Variants in NUP98 observed in about 807,000 individuals in gnomAD.
The protein encoded by NUP98 is nuclear pore complex protein Nup98-Nup96.
NUP98 carries 26 observed loss-of-function variants against 191.9 expected under a neutral mutation model. The observed-to-expected ratio is 0.14, with a 90% CI of 0.10 to 0.19. The LOEUF (loss-of-function observed/expected upper bound fraction) is 0.19. Among genes scored for constraint, NUP98 ranks in the 10% least tolerant of loss-of-function variants. The probability of loss-of-function intolerance (pLI) is 1.00; values close to 1 mark genes in which losing one functional copy is unlikely to be tolerated. For missense variants in NUP98, 1,941 were observed against 2,178.8 expected, an observed-to-expected ratio of 0.89 and a Z score of 2.17; for synonymous variants, 808 against 778.4, an observed-to-expected ratio of 1.04 and a Z score of -0.63.
At position 3,737,922 on chromosome 11, in the gene NUP98, C is replaced by T. The variant is rs367659503; in HGVS notation, c.1409-2598G>A. On this transcript the variant is annotated intron_variant, in intron 12 of 32. Transcript: ENST00000324932. ...CACAGTACTACAGATTAACAGCATACTGCTATTTTGGGGACTATGCAAGGA... is the reference window on the plus strand; with the variant it reads ...CACAGTACTACAGATTAACAGCATATTGCTATTTTGGGGACTATGCAAGGA... Among the ~76,000 whole-genome samples, 411 of 149,776 alleles carry T rather than the reference C, an allele frequency of 2.7e-3. 3 individuals are homozygous for T. Among genetic ancestry groups the T allele is most frequent in the African/African-American group, 9.1e-3 (374 of 40,884 alleles).
At chr11:3,691,796 C>A (rs991045489) in intron 27 of NUP98, among the ~76,000 whole-genome samples, 1 of 152,130 alleles carries the variant, frequency 6.6e-6, no homozygotes, top group Non-Finnish European at 1.5e-5. Flanking sequence ...TCAGGTGATA[C>A]GCCTGCCTTA....
In NUP98 at chr11:3,712,606, G is replaced by A; in HGVS notation, c.2700C>T (p.Pro900=). The A allele has an allele frequency of 6.2e-7, 1 of 1,614,096 alleles. No individual in the cohort carries two copies. ...GTTTGCCATTAAGAGCCATCTGCAAGGGCGTAGTCTGGCTTGCAGGAGGCA... is the reference window on the plus strand; with the variant it reads ...GTTTGCCATTAAGAGCCATCTGCAAAGGCGTAGTCTGGCTTGCAGGAGGCA... ...APLPPASQTT[P]LQMALNGKPA... is the part of the protein sequence containing the mutation. The change falls in exon 20 of 33, where the codon CCC becomes CCT. Residue 900 remains proline (P), a synonymous_variant. Transcript: ENST00000324932.
intron 28 of NUP98, among the ~76,000 whole-genome samples, chr11:3,690,223 G>C (rs956396393): frequency 5.3e-5 from 8 of 151,446 alleles, no homozygotes; most frequent in Non-Finnish European, 1.2e-4. Context: ...AAAGTGCTGG[G>C]ATTACAGGTG....
At chr11:3,743,364 C>T (rs1225078815) in intron 12 of NUP98, among the ~76,000 whole-genome samples, 8 of 148,478 alleles carry the variant, frequency 5.4e-5, no homozygotes, top group Non-Finnish European at 1.0e-4. Flanking sequence ...AAGTTAATTT[C>T]GGCCTGGCGT....
intron 1 of NUP98, among the ~76,000 whole-genome samples, chr11:3,784,987 A>C (rs2133961745): frequency 6.6e-6 from 1 of 151,950 alleles, no homozygotes. Context: ...AAAATACAAA[A>C]ATTAGCCAGG....
intron 14 of NUP98, among the ~76,000 whole-genome samples, chr11:3,730,638 A>G (rs144705701): frequency 0.012 from 1,888 of 151,980 alleles, 48 homozygotes; most frequent in African/African-American, 0.043. Flanking sequence ...TGCTGGGATT[A>G]CAGGTGTGAG....
At chr11:3,784,157 A>G (rs1564928082) in intron 1 of NUP98, among the ~76,000 whole-genome samples, 1 of 152,232 alleles carries the variant, frequency 6.6e-6, no homozygotes, top group Non-Finnish European at 1.5e-5. Context: ...GGCCGTGTTC[A>G]TATAATAGAA....
At position 3,675,577 on chromosome 11, in the gene NUP98, G is replaced by A. The variant is rs534499391; in HGVS notation, c.*582C>T. ...AACAGCCCTGAAGATCAATCCCTCC[G>A]TGACAGGCATTCACTTCTGCCCTAA... On this transcript the variant is annotated 3_prime_UTR_variant, in exon 33 of 33. Coordinates refer to ENST00000324932, the MANE Select transcript of NUP98 (RefSeq NM_016320.5). 1.8e-4 allele frequency: 42 copies of A among 235,986 alleles called. No individual in the cohort carries two copies. The South Asian group carries it at 2.8e-3, about 16-fold the overall frequency. The allele number at this position is 235,986 out of a possible 1,614,324, so 14.6% of individuals were successfully genotyped here.
intron 8 of NUP98, among the ~76,000 whole-genome samples, chr11:3,766,666 G>C (rs2081349206): frequency 7.0e-6 from 1 of 142,392 alleles, no homozygotes; most frequent in East Asian, 2.0e-4. Context: ...TCCAGCCTGG[G>C]CGACAACAGT....
intron 1 of NUP98, among the ~76,000 whole-genome samples, chr11:3,796,252 A>G (rs537888331): frequency 9.2e-5 from 14 of 152,322 alleles, no homozygotes; most frequent in African/African-American, 2.4e-4. Flanking sequence ...GAAAGGAGCC[A>G]TGAGTTCCGA....
In NUP98 at chr11:3,675,717, A is replaced by C. The variant is rs1163392279; in HGVS notation, c.*442T>G. ...AGACGGATCCCTCTTCCTTCTGTGG[A>C]TAGTTCATCTGTTAAGGATCCATTA... On this transcript the variant is annotated 3_prime_UTR_variant, in exon 33 of 33. Coordinates refer to ENST00000324932, the MANE Select transcript of NUP98 (RefSeq NM_016320.5). 3.9e-6 allele frequency: 1 copy of C among 259,434 alleles called. No individual in the cohort carries two copies. The highest frequency in any genetic ancestry group is 7.5e-6 in the Non-Finnish European group (1 of 132,720). 16.1% of individuals were successfully genotyped at this position (259,434 alleles called of 1,614,324 possible).
intron 20 of NUP98, among the ~76,000 whole-genome samples, chr11:3,708,586 G>A (rs149976004): frequency 0.024 from 3,719 of 152,138 alleles, 83 homozygotes; most frequent in Non-Finnish European, 0.039. Context: ...TGCCTAGAAT[G>A]CCCTATATGT....
At chr11:3,749,482 G>A (rs576379450) in intron 11 of NUP98, among the ~76,000 whole-genome samples, 7 of 152,100 alleles carry the variant, frequency 4.6e-5, no homozygotes, top group African/African-American at 1.4e-4. Flanking sequence ...ACAGTTAGCC[G>A]GGTGCAGTGG....
chr11:3,708,723 T>C (rs1395973731), intron 20 of NUP98, among the ~76,000 whole-genome samples: 1 of 143,722 alleles, frequency 7.0e-6, no homozygotes, highest in East Asian at 2.0e-4. Flanking sequence ...AAAGGTGTAC[T>C]TAAAAAAAAA....
intron 1 of NUP98, among the ~76,000 whole-genome samples, chr11:3,791,162 T>C (rs1045186302): frequency 3.3e-5 from 5 of 152,088 alleles, no homozygotes; most frequent in African/African-American, 1.2e-4. Context: ...CCCAAAGTGC[T>C]GGGATTACAG....
intron 20 of NUP98, among the ~76,000 whole-genome samples, chr11:3,707,879 T>A (rs565345648): frequency 4.5e-4 from 68 of 152,060 alleles, no homozygotes; most frequent in African/African-American, 1.6e-3. Context: ...GGTGAGTGGA[T>A]CACCTGAGGT....
At chr11:3,714,286 T>G (rs761525205) in intron 18 of NUP98, among the ~76,000 whole-genome samples, 2 of 152,212 alleles carry the variant, frequency 1.3e-5, no homozygotes, top group African/African-American at 2.4e-5. Context: ...ATCACTAACT[T>G]ATTTAAGTTA....
intron 26 of NUP98, among the ~76,000 whole-genome samples, chr11:3,694,200 G>A (rs1436112336): frequency 1.3e-5 from 2 of 151,884 alleles, no homozygotes; most frequent in African/African-American, 2.4e-5. Flanking sequence ...GGGGAAACCC[G>A]TCTCTACTAA....
At chr11:3,768,417 T>C (rs888384023) in intron 8 of NUP98, among the ~76,000 whole-genome samples, 164 bp downstream of exon 8, 2 of 143,262 alleles carry the variant, frequency 1.4e-5, no homozygotes, top group African/African-American at 5.2e-5. Context: ...CGAGACTCCA[T>C]CTCAAAAAAA....
Sources: gnomAD v4.1 joint callset for allele counts (sites outside exome capture counted in the v4.1 genomes callset) on GRCh38, gnomAD v4.1.1 for gene constraint, MANE v1.5 for transcripts, NCBI Gene and HGNC (gene_info 2026-07-23, HGNC 2026-07-21) for gene names.